ADAMTS6: variants seen among roughly 807,000 people sequenced by gnomAD.
ADAMTS6 encodes ADAM metallopeptidase with thrombospondin type 1 motif 6.
A neutral mutation model predicts 144.3 loss-of-function variants in ADAMTS6; 23 were observed. That is an observed-to-expected ratio of 0.16 (90% CI 0.11 to 0.23). The LOEUF (loss-of-function observed/expected upper bound fraction) is 0.23, where lower values mean the gene tolerates loss of function less well. Ranked by LOEUF, ADAMTS6 falls within the 10% of genes least tolerant of loss-of-function variation. The pLI is 1.00. For synonymous variants in ADAMTS6, 444 were observed against 457.5 expected, an observed-to-expected ratio of 0.97 and a Z score of 0.38; for missense variants, 999 against 1,379.6, an observed-to-expected ratio of 0.72 and a Z score of 4.37.
At chr5:65,315,085 C>G (rs1351845779) in intron 9 of ADAMTS6, among the ~76,000 whole-genome samples, 1 of 151,890 alleles carries the variant, frequency 6.6e-6, no homozygotes, top group Non-Finnish European at 1.5e-5. Flanking sequence ...TAAAAGATAA[C>G]TATTTAAAGT....
chr5:65,368,253 G>T (rs1750491821), intron 7 of ADAMTS6, among the ~76,000 whole-genome samples: 1 of 152,106 alleles, frequency 6.6e-6, no homozygotes, highest in South Asian at 2.1e-4. Context: ...TTATTTAAAT[G>T]ATCATTTCAC....
chr5:65,152,299 T>C (rs1276731025), intron 24 of ADAMTS6, among the ~76,000 whole-genome samples: 1 of 152,242 alleles, frequency 6.6e-6, no homozygotes, highest in East Asian at 1.9e-4. Context: ...ACAGCACTTT[T>C]ATTGCTTCTT....
chr5:65,321,708 CTTTTTTT>C (rs529236363), intron 9 of ADAMTS6, among the ~76,000 whole-genome samples: 10 of 78,886 alleles, frequency 1.3e-4, no homozygotes, highest in South Asian at 1.1e-3. Flanking sequence ...TTTTCTTTTC[CTTTTTTT>C]TTTTTTTTTT....
chr5:65,242,602 T>TA (rs1759288403), intron 14 of ADAMTS6, among the ~76,000 whole-genome samples: 1 of 152,126 alleles, frequency 6.6e-6, no homozygotes, highest in Admixed American at 6.5e-5. Flanking sequence ...ATCTTTATTT[T>TA]AAAAAATCAA....
chr5:65,401,117 G>A (rs1437504269), intron 7 of ADAMTS6, among the ~76,000 whole-genome samples: 1 of 152,120 alleles, frequency 6.6e-6, no homozygotes, highest in Non-Finnish European at 1.5e-5. Context: ...TTGACAGCCA[G>A]ACATGATATA....
chr5:65,459,103 C>T (rs1759454865), intron 4 of ADAMTS6, among the ~76,000 whole-genome samples: 7 of 151,708 alleles, frequency 4.6e-5, no homozygotes, highest in Non-Finnish European at 1.5e-5. Context: ...TCTCGAACTC[C>T]TGGGCTCAAG....
At chr5:65,440,696 G>GCA (rs1350180021) in intron 7 of ADAMTS6, among the ~76,000 whole-genome samples, 1 of 152,072 alleles carries the variant, frequency 6.6e-6, no homozygotes, top group African/African-American at 2.4e-5. Context: ...ATAATGCCTA[G>GCA]CACTTACACA....
chr5:65,346,306 G>A (rs1748311589), intron 7 of ADAMTS6, among the ~76,000 whole-genome samples: 1 of 151,760 alleles, frequency 6.6e-6, no homozygotes, highest in Non-Finnish European at 1.5e-5. Context: ...GATTCATTCT[G>A]GAGATGCAGG....
Position 65,473,932 on chromosome 5 carries a change from A to G in ADAMTS6, c.-259T>C, listed in dbSNP as rs1347470261. The G allele has an allele frequency of 2.2e-6, 1 of 445,360 alleles. No individual in the cohort carries two copies. Among genetic ancestry groups the G allele is most frequent in the Non-Finnish European group, 4.0e-6 (1 of 252,802 alleles). 27.6% of individuals were successfully genotyped at this position (445,360 alleles called of 1,614,324 possible). On this transcript the variant is annotated 5_prime_UTR_variant, in exon 2 of 25. It removes the in-frame stop codon of an upstream open reading frame in the 5' UTR. Transcript: ENST00000381055. The stretch of plus-strand genomic sequence containing the variant: ...CAAAGCATTAGGCTGATTAGTTACT[A>G]AAGTATGGCCATTTTTTAACCTAGA...
chr5:65,225,454 C>T (rs1757657251), intron 16 of ADAMTS6, among the ~76,000 whole-genome samples: 1 of 152,014 alleles, frequency 6.6e-6, no homozygotes, highest in African/African-American at 2.4e-5. Flanking sequence ...AAAACAAAAC[C>T]AGACAAGTAA....
intron 7 of ADAMTS6, among the ~76,000 whole-genome samples, chr5:65,418,527 A>G (rs988956923): frequency 6.6e-6 from 1 of 152,194 alleles, no homozygotes. Context: ...TAATCTTCCA[A>G]GTACCCCATG....
chr5:65,264,350 C>T (rs569972039), intron 12 of ADAMTS6, among the ~76,000 whole-genome samples: 7 of 152,152 alleles, frequency 4.6e-5, no homozygotes, highest in Non-Finnish European at 1.0e-4. Flanking sequence ...CACCTTCATA[C>T]ACTAATCTTG....
chr5:65,421,381 C>T (rs1756028267), intron 7 of ADAMTS6, among the ~76,000 whole-genome samples: 1 of 152,148 alleles, frequency 6.6e-6, no homozygotes, highest in African/African-American at 2.4e-5. Context: ...TTTAATGAGG[C>T]TAAAGATAGG....
At chr5:65,406,641 T>C (rs537351653) in intron 7 of ADAMTS6, among the ~76,000 whole-genome samples, 9 of 152,268 alleles carry the variant, frequency 5.9e-5, no homozygotes, top group African/African-American at 2.2e-4. Context: ...GGCTTTGGTA[T>C]CACGATGATA....
intron 7 of ADAMTS6, among the ~76,000 whole-genome samples, chr5:65,334,391 G>T (rs1747107512): frequency 6.6e-6 from 1 of 152,152 alleles, no homozygotes; most frequent in African/African-American, 2.4e-5. Context: ...AGAGTACCTT[G>T]TCTGCAGACT....
chr5:65,477,053 G>A lies in ADAMTS6; in HGVS notation c.-279-3101C>T, dbSNP rs554297199. Reference sequence around the variant, plus strand: ...ATCCTTTCTCAGGTAAAAATTTATAGAGAGATTAAGTTATACCATTATTCA... The same window carrying A: ...ATCCTTTCTCAGGTAAAAATTTATAAAGAGATTAAGTTATACCATTATTCA... On this transcript the variant is annotated intron_variant, in intron 1 of 24. Coordinates refer to ENST00000381055, the MANE Select transcript of ADAMTS6 (RefSeq NM_197941.4). Among the ~76,000 whole-genome samples the A allele has an allele frequency of 9.2e-5, 14 of 152,276 alleles. No homozygotes were observed. In the South Asian group the frequency reaches 1.0e-3, roughly 11 times the overall value.
intron 22 of ADAMTS6, among the ~76,000 whole-genome samples, chr5:65,173,780 T>C (rs1247302670): frequency 6.6e-6 from 1 of 152,116 alleles, no homozygotes; most frequent in East Asian, 1.9e-4. Flanking sequence ...ATCCCAGCAC[T>C]TTGGGAGGCC....
intron 7 of ADAMTS6, among the ~76,000 whole-genome samples, chr5:65,408,395 A>T (rs1302199083): frequency 6.6e-6 from 1 of 152,214 alleles, no homozygotes; most frequent in African/African-American, 2.4e-5. Flanking sequence ...ATCAAAAGAG[A>T]CAAAGAAGGC....
intron 1 of ADAMTS6, among the ~76,000 whole-genome samples, chr5:65,478,211 A>G (rs1760969940): frequency 6.6e-6 from 1 of 152,200 alleles, no homozygotes; most frequent in Non-Finnish European, 1.5e-5. Context: ...CACCTACACA[A>G]TAAAAGTGAA....
Sources: allele counts gnomAD v4.1 joint callset (sites outside exome capture counted in the v4.1 genomes callset), GRCh38; gene constraint gnomAD v4.1.1; transcripts MANE v1.5; gene names NCBI Gene and HGNC (gene_info 2026-07-23, HGNC 2026-07-21).